LITAF: variants seen among roughly 807,000 people sequenced by gnomAD.
LITAF encodes the protein lipopolysaccharide induced TNF factor.
LITAF carries 9 observed loss-of-function variants against 14.5 expected under a neutral mutation model. The observed-to-expected ratio is 0.62, with a 90% CI of 0.37 to 1.08. The LOEUF is 1.08. Among genes scored for constraint, LITAF ranks in the 50% least tolerant of loss-of-function variants. The pLI is 0.01. For missense variants in LITAF, 206 were observed against 213.4 expected, an observed-to-expected ratio of 0.97 and a Z score of 0.22; for synonymous variants, 98 against 88.2, an observed-to-expected ratio of 1.11 and a Z score of -0.62.
At chr16:11,589,534 A>C (rs1158274506), upstream of LITAF, among the ~76,000 whole-genome samples, 2 of 152,214 alleles carry the variant, frequency 1.3e-5, no homozygotes, top group African/African-American at 4.8e-5. Context: ...TAAGAACCCT[A>C]AAGAATGTAC....
Position 11,548,324 on chromosome 16 carries a change from T to C in LITAF, c.*1313A>G. ...GAATCCTGGCTTGCTGCTTGAGTCCTAGAAATCATGTCTTCTCATGTTTTA... is the reference window on the plus strand; with the variant it reads ...GAATCCTGGCTTGCTGCTTGAGTCCCAGAAATCATGTCTTCTCATGTTTTA... On this transcript the variant is annotated 3_prime_UTR_variant, in exon 4 of 4. Coordinates refer to ENST00000622633, the MANE Select transcript of LITAF (RefSeq NM_001136472.2). The C allele has an allele frequency of 2.2e-6, 1 of 454,092 alleles. No individual in the cohort carries two copies. Among genetic ancestry groups the C allele is most frequent in the Non-Finnish European group, 4.4e-6 (1 of 226,782 alleles). The allele number at this position is 454,092 out of a possible 1,614,324, so 28.1% of individuals were successfully genotyped here.
At chr16:11,573,241 T>G (rs1394238876) in intron 1 of LITAF, among the ~76,000 whole-genome samples, 1 of 152,152 alleles carries the variant, frequency 6.6e-6, no homozygotes, top group East Asian at 1.9e-4. Context: ...TAAAAGATTT[T>G]TTTTAAACCC....
chr16:11,568,491 ATGACAC>A (rs2064491237), intron 1 of LITAF, among the ~76,000 whole-genome samples: 2 of 151,994 alleles, frequency 1.3e-5, no homozygotes, highest in African/African-American at 4.8e-5. Flanking sequence ...TTCCCCAGAA[ATGACAC>A]TGGCTTTCTT....
intron 3 of LITAF, among the ~76,000 whole-genome samples, chr16:11,607,626 T>C (rs1025884414): frequency 6.6e-6 from 1 of 152,086 alleles, no homozygotes; most frequent in African/African-American, 2.4e-5. Flanking sequence ...TTTGTTGGTA[T>C]CTCTGTAAGT....
intron 1 of LITAF, among the ~76,000 whole-genome samples, chr16:11,572,651 C>T (rs1439058911): frequency 6.6e-6 from 1 of 152,184 alleles, no homozygotes; most frequent in Admixed American, 6.5e-5. Context: ...CTCCTCAAAA[C>T]TGTCAAAGTC....
At position 11,579,632 on chromosome 16, in the gene LITAF, C is replaced by A. The variant is rs12927050; in HGVS notation, c.-6+7254G>T. Among the ~76,000 whole-genome samples, 537 of 114,328 alleles carry A rather than the reference C, an allele frequency of 4.7e-3. 14 individuals carry two copies. Among genetic ancestry groups the A allele is most frequent in the African/African-American group, 0.01 (375 of 36,622 alleles). The allele number at this position is 114,328 out of a possible 152,430, so 75.0% of individuals were successfully genotyped here. On this transcript the variant is annotated intron_variant, in intron 1 of 3. Coordinates refer to ENST00000622633, the MANE Select transcript of LITAF (RefSeq NM_001136472.2). ...CAGATAAAGTCTGGAGTTTGGTGAA[C>A]AATAACATACCCTCATCAGTTTCTT...
chr16:11,618,057 G>A (rs1160326346), intron 3 of LITAF, among the ~76,000 whole-genome samples: 5 of 151,964 alleles, frequency 3.3e-5, no homozygotes, highest in African/African-American at 9.7e-5. Flanking sequence ...TTTTTTGTTC[G>A]AAGAGATGGG....
chr16:11,638,935 A>T (rs2065153853), upstream of LITAF, among the ~76,000 whole-genome samples: 1 of 151,436 alleles, frequency 6.6e-6, no homozygotes, highest in Non-Finnish European at 1.5e-5. Context: ...AACTTTAGTT[A>T]TTTAAACGCG....
chr16:11,566,593 A>G (rs931762038), intron 1 of LITAF, among the ~76,000 whole-genome samples: 1 of 152,170 alleles, frequency 6.6e-6, no homozygotes, highest in African/African-American at 2.4e-5. Flanking sequence ...GTGAGATGCC[A>G]TCTCTACTAA....
intron 3 of LITAF, among the ~76,000 whole-genome samples, chr16:11,618,750 C>G (rs1475511443): frequency 6.6e-6 from 1 of 151,966 alleles, no homozygotes; most frequent in East Asian, 1.9e-4. Flanking sequence ...TTTAGGAGAC[C>G]GAGGCGGGCG....
intron 3 of LITAF, among the ~76,000 whole-genome samples, chr16:11,630,167 C>A (rs1267634656): frequency 2.0e-5 from 3 of 152,130 alleles, no homozygotes; most frequent in African/African-American, 7.2e-5. Flanking sequence ...GGGGGGGCTC[C>A]AAACCTCTGT....
intron 3 of LITAF, among the ~76,000 whole-genome samples, chr16:11,614,198 G>C (rs953747105): frequency 1.3e-5 from 2 of 152,120 alleles, no homozygotes; most frequent in East Asian, 3.8e-4. Flanking sequence ...CACAGTTCTG[G>C]AGGCTAGAAG....
At chr16:11,574,863 C>T (rs906350718) in intron 1 of LITAF, among the ~76,000 whole-genome samples, 2 of 127,232 alleles carry the variant, frequency 1.6e-5, no homozygotes, top group South Asian at 2.5e-4. Flanking sequence ...AATGCAGTGG[C>T]GTGACCTTGG....
upstream of LITAF, among the ~76,000 whole-genome samples, chr16:11,637,980 A>C (rs1226122410): frequency 9.6e-5 from 7 of 72,678 alleles, no homozygotes; most frequent in Admixed American, 1.5e-4. Flanking sequence ...ATATCTATAT[A>C]TATCTATATA....
At chr16:11,551,416 C>T (rs1190831252) in intron 3 of LITAF, among the ~76,000 whole-genome samples, 1 of 152,140 alleles carries the variant, frequency 6.6e-6, no homozygotes, top group East Asian at 1.9e-4. Flanking sequence ...AAGTCACTTG[C>T]CCATGGCCAC....
chr16:11,625,265 CTTT>C (rs112259926), intron 3 of LITAF, among the ~76,000 whole-genome samples: 3 of 139,222 alleles, frequency 2.2e-5, no homozygotes, highest in Non-Finnish European at 3.1e-5. Flanking sequence ...TCCCAAAAAC[CTTT>C]TTTTTTTTTT....
At chr16:11,619,205 G>A (rs2065035234) in intron 3 of LITAF, among the ~76,000 whole-genome samples, 1 of 151,890 alleles carries the variant, frequency 6.6e-6, no homozygotes, top group Non-Finnish European at 1.5e-5. Context: ...CAGCTACTTG[G>A]GATGCTGAGG....
At chr16:11,612,636 C>T (rs1254779327) in intron 3 of LITAF, among the ~76,000 whole-genome samples, 4 of 152,210 alleles carry the variant, frequency 2.6e-5, no homozygotes, top group East Asian at 1.9e-4. Flanking sequence ...CAGGAGCCCT[C>T]GCAGAGACAG....
chr16:11,635,500 G>A (rs2065134689), intron 2 of LITAF, among the ~76,000 whole-genome samples: 1 of 151,968 alleles, frequency 6.6e-6, no homozygotes, highest in African/African-American at 2.4e-5. Context: ...TCCTTCAACA[G>A]GCTCCTTTGT....
Sources: allele counts gnomAD v4.1 joint callset (sites outside exome capture counted in the v4.1 genomes callset), GRCh38; gene constraint gnomAD v4.1.1; transcripts MANE v1.5; gene names NCBI Gene and HGNC (gene_info 2026-07-23, HGNC 2026-07-21).